Variants in GNG2 observed in about 807,000 individuals in gnomAD.
GNG2 encodes G protein subunit gamma 2.
Under a neutral mutation model 5.5 loss-of-function variants are expected in GNG2, and 5 were observed. That is an observed-to-expected ratio of 0.91 (90% CI 0.48 to 1.92). The LOEUF (loss-of-function observed/expected upper bound fraction) is 1.92, where lower values mean the gene tolerates loss of function less well. Ranked by LOEUF, GNG2 falls within the 30% of genes most tolerant of loss-of-function variation. The pLI, the probability that GNG2 is intolerant of heterozygous loss-of-function variation, is 0.01. For synonymous variants in GNG2, 28 were observed against 32.0 expected (o/e 0.88, Z 0.42); for missense variants, 55 against 88.4 (o/e 0.62, Z 1.52).
intron 2 of GNG2, among the ~76,000 whole-genome samples, chr14:51,849,521 G>A (rs4243583): frequency 0.16 from 24,743 of 152,148 alleles, 2,147 homozygotes; most frequent in Non-Finnish European, 0.19. Context: ...AGGAGATGGC[G>A]ATCAGAGAAT....
At chr14:51,899,271 T>C (rs1046979170) in intron 2 of GNG2, among the ~76,000 whole-genome samples, 1 of 152,114 alleles carries the variant, frequency 6.6e-6, no homozygotes, top group African/African-American at 2.4e-5. Context: ...CTCCACCAGG[T>C]TCCAGCCACT....
intron 1 of GNG2, chr14:51,861,264 G>C (rs1261616508): frequency 6.6e-6 from 1 of 152,128 alleles, no homozygotes; most frequent in Non-Finnish European, 1.5e-5. Flanking sequence ...TTTGTACTTA[G>C]ATTTTGCCAA....
intron 2 of GNG2, among the ~76,000 whole-genome samples, chr14:51,839,457 T>C (rs1348136649): frequency 2.6e-5 from 4 of 152,228 alleles, no homozygotes; most frequent in African/African-American, 9.6e-5. Context: ...TCTACCTTTT[T>C]TGTCTTAGTA....
At chr14:51,871,729 T>G (rs1452088597) in intron 1 of GNG2, among the ~76,000 whole-genome samples, 2 of 152,224 alleles carry the variant, frequency 1.3e-5, no homozygotes, top group East Asian at 3.8e-4. Flanking sequence ...GAAGTGATTG[T>G]TATGGCCCAA....
rs1333785266 is a variant in GNG2 at position 51,928,551 on chromosome 14, A to C, written c.-29-22099A>C. On this transcript the variant is annotated intron_variant, in intron 2 of 3. Coordinates refer to ENST00000556766, the MANE Select transcript of GNG2 (RefSeq NM_053064.5). ...ATATCGTCCTTGTGTGTTCCACCCT[A>C]CCAAGGATAGAGGGATCAAGGAAGC... Among the ~76,000 whole-genome samples, 5 of 152,190 alleles carry C rather than the reference A, an allele frequency of 3.3e-5. No homozygotes were observed. In the East Asian group the frequency reaches 9.7e-4, roughly 29 times the overall value.
At position 51,912,674 on chromosome 14, in the gene GNG2, A is replaced by T. The variant is rs189318753; in HGVS notation, c.-30+35017A>T. 3.9e-5 allele frequency among the ~76,000 whole-genome samples: 6 copies of T among 152,344 alleles called. No homozygotes were observed. In the East Asian group the frequency reaches 1.2e-3, roughly 29 times the overall value. On this transcript the variant is annotated intron_variant, in intron 2 of 3. Coordinates refer to ENST00000556766, the MANE Select transcript of GNG2 (RefSeq NM_053064.5). Reference sequence around the variant, plus strand: ...CAAGTCTGACATTCTCGAGAGAGCTATTCCCTACAAGGTTACCAGCCTGGA... The same window carrying T: ...CAAGTCTGACATTCTCGAGAGAGCTTTTCCCTACAAGGTTACCAGCCTGGA...
upstream of GNG2, among the ~76,000 whole-genome samples, chr14:51,860,173 C>T (rs116099703): frequency 3.4e-3 from 518 of 150,824 alleles, 4 homozygotes; most frequent in African/African-American, 0.012. Flanking sequence ...ACAGTGGAGG[C>T]TGGTGTGGGA....
At chr14:51,963,227 A>G (rs1889714065) in intron 3 of GNG2, among the ~76,000 whole-genome samples, 3 of 152,250 alleles carry the variant, frequency 2.0e-5, no homozygotes, top group Admixed American at 2.0e-4. Context: ...GAAGGAAACC[A>G]TTCAGAATCA....
intron 3 of GNG2, 152 bp from the exon 4 acceptor site, chr14:51,966,407 T>A (rs1889923678): frequency 1.5e-6 from 1 of 682,198 alleles, no homozygotes; most frequent in Admixed American, 2.4e-5. Context: ...GTCAACTTTC[T>A]TCTTTGCAGA....
At chr14:51,877,766 A>G in intron 2 of GNG2, 109 bp downstream of exon 2, 1 of 365,346 alleles carries the variant, frequency 2.7e-6, no homozygotes, top group Non-Finnish European at 5.5e-6. Flanking sequence ...GTTTTATTGA[A>G]AGAAACAGTC....
chr14:51,957,133 T>A (rs1261794943), intron 3 of GNG2, among the ~76,000 whole-genome samples: 2 of 147,826 alleles, frequency 1.4e-5, no homozygotes, highest in African/African-American at 5.0e-5. Context: ...TGATCAAAAG[T>A]GAAGTCCTTC....
In GNG2 at chr14:51,950,697, G is replaced by T; in HGVS notation, c.19G>T (p.Ala7Ser). The change falls in exon 3 of 4, where the codon GCC (alanine) becomes TCC (serine). Residue 7 changes from alanine (A) to serine (S), a missense_variant. By Grantham distance (99) the Ala-to-Ser change is moderately conservative (BLOSUM62 1). Coordinates refer to ENST00000556766, the MANE Select transcript of GNG2 (RefSeq NM_053064.5). Reference protein sequence around the residue: MASNNTASIAQARKLVE... With the variant: MASNNTSSIAQARKLVE... ...CACTCCGATGGCCAGCAACAACACC[G>T]CCAGCATAGCACAAGCCAGGAAGCT... 1 of 1,611,554 alleles carries T rather than the reference G, an allele frequency of 6.2e-7. No individual in the cohort carries two copies. The highest frequency in any genetic ancestry group is 8.5e-7 in the Non-Finnish European group (1 of 1,178,906).
intron 2 of GNG2, among the ~76,000 whole-genome samples, chr14:51,843,178 G>C (rs774046173): frequency 6.6e-6 from 1 of 152,184 alleles, no homozygotes; most frequent in African/African-American, 2.4e-5. Context: ...AGGGGAGAGG[G>C]AAGAAATGAT....
chr14:51,836,206 A>G (rs1881326839), intron 2 of GNG2, among the ~76,000 whole-genome samples: 1 of 152,012 alleles, frequency 6.6e-6, no homozygotes, highest in Non-Finnish European at 1.5e-5. Flanking sequence ...GTCCACCCTC[A>G]TGACCTGATT....
chr14:51,850,327 T>C (rs1173428936), intron 2 of GNG2, among the ~76,000 whole-genome samples: 2 of 152,152 alleles, frequency 1.3e-5, no homozygotes, highest in African/African-American at 4.8e-5. Flanking sequence ...TGAGTTCTCT[T>C]TGCGGCAATC....
intron 2 of GNG2, among the ~76,000 whole-genome samples, chr14:51,942,585 C>CT (rs1443819633): frequency 3.2e-5 from 2 of 61,608 alleles, no homozygotes; most frequent in African/African-American, 1.7e-4. Flanking sequence ...TTCTTTCTTT[C>CT]TTTCTTTTTT....
intron 2 of GNG2, among the ~76,000 whole-genome samples, chr14:51,925,986 G>A (rs996375884): frequency 1.1e-4 from 17 of 152,038 alleles, no homozygotes; most frequent in Admixed American, 2.6e-4. Flanking sequence ...AGGCTCCAAG[G>A]AAGTGATCAG....
intron 2 of GNG2, among the ~76,000 whole-genome samples, chr14:51,929,909 T>C (rs1217134565): frequency 1.3e-5 from 2 of 152,204 alleles, no homozygotes; most frequent in African/African-American, 2.4e-5. Context: ...TTTGCTAGGA[T>C]GATATTATCT....
Position 51,869,483 on chromosome 14 carries a change from G to C in GNG2, c.-70-8134G>C, listed in dbSNP as rs73291098. On this transcript the variant is annotated intron_variant, in intron 1 of 3. Transcript: ENST00000556766. ...TATAGGCATATTTCAATACGTAGAG[G>C]CATATCAAGGTGCAGCAGATTTCTT... 5.7e-3 allele frequency among the ~76,000 whole-genome samples: 864 copies of C among 152,266 alleles called. 13 individuals are homozygous for C. Among genetic ancestry groups the C allele is most frequent in the African/African-American group, 0.02 (831 of 41,560 alleles).
Sources: gnomAD v4.1 joint callset for allele counts (sites outside exome capture counted in the v4.1 genomes callset) on GRCh38, gnomAD v4.1.1 for gene constraint, MANE v1.5 for transcripts, NCBI Gene and HGNC (gene_info 2026-07-23, HGNC 2026-07-21) for gene names.